Variants in TFEB observed in about 807,000 individuals in gnomAD.
TFEB encodes T-cell transcription factor EB.
Under a neutral mutation model 48.0 loss-of-function variants are expected in TFEB, and 12 were observed. That is an observed-to-expected ratio of 0.25 (90% CI 0.16 to 0.40). TFEB has a LOEUF of 0.40. Ranked by LOEUF, TFEB falls within the 10% of genes least tolerant of loss-of-function variation. The pLI is 1.00. For synonymous variants in TFEB, 244 were observed against 261.4 expected, an observed-to-expected ratio of 0.93 and a Z score of 0.64; for missense variants, 509 against 640.3, an observed-to-expected ratio of 0.79 and a Z score of 2.21.
At chr6:41,700,297 TCTACTA>T (rs1769834697) in intron 1 of TFEB, among the ~76,000 whole-genome samples, 1 of 151,980 alleles carries the variant, frequency 6.6e-6, no homozygotes, top group Admixed American at 6.6e-5. Context: ...AAACCCCGTC[TCTACTA>T]AAAATACAAA....
chr6:41,732,801 C>G (rs1003251103), intron 1 of TFEB: 2 of 985,822 alleles, frequency 2.0e-6, no homozygotes, highest in Admixed American at 1.2e-4. Flanking sequence ...GCTCTGGGAA[C>G]CCTGAACTCC....
At chr6:41,687,724 G>C (rs112260788) in intron 6 of TFEB, 29 bp downstream of exon 6, 22 of 1,613,848 alleles carry the variant, frequency 1.4e-5, no homozygotes, top group Non-Finnish European at 1.9e-5. Flanking sequence ...GGAAGAGGGA[G>C]GCAGGGAGAG....
chr6:41,714,128 T>C (rs1770610198), intron 1 of TFEB, among the ~76,000 whole-genome samples: 1 of 119,462 alleles, frequency 8.4e-6, no homozygotes, highest in Admixed American at 8.1e-5. Context: ...TGTGTGTGCG[T>C]GTGCATGTGT....
At chr6:41,690,109 T>C (rs1415506976) in intron 3 of TFEB, among the ~76,000 whole-genome samples, 1 of 151,878 alleles carries the variant, frequency 6.6e-6, no homozygotes, top group East Asian at 1.9e-4. Flanking sequence ...TGTTTCTCCC[T>C]AGCAGAGCTT....
rs534221103 is a variant in TFEB, at chr6:41,686,299, A to G, written c.804-62T>C. The G allele has an allele frequency of 3.0e-5, 48 of 1,597,276 alleles. No homozygotes were observed. In the East Asian group the frequency reaches 1.0e-3, roughly 34 times the overall value. ...TCAGAAGAGTGGCCAAATCCTTGCT[A>G]CTGCTCTGGTTGCAGAGCTTATGTG... On this transcript the variant is annotated intron_variant, in intron 7 of 8. Transcript: ENST00000373033.
At position 41,729,202 on chromosome 6, in the gene TFEB, C is replaced by G. The variant is rs1581938977; in HGVS notation, c.-23+6148G>C. Among the ~76,000 whole-genome samples, 3 of 152,092 alleles carry G rather than the reference C, an allele frequency of 2.0e-5. No individual in the cohort carries two copies. In the East Asian group the frequency reaches 5.8e-4, roughly 29 times the overall value. Reference sequence around the variant, plus strand: ...CAGTTTCCACAAACAACTCCACACCCCTGCCCCCAGGGGCCAGCCCCCAGG... The same window carrying G: ...CAGTTTCCACAAACAACTCCACACCGCTGCCCCCAGGGGCCAGCCCCCAGG... On this transcript the variant is annotated intron_variant, in intron 1 of 8. Coordinates refer to ENST00000373033, the MANE Select transcript of TFEB (RefSeq NM_001271944.2).
chr6:41,718,703 C>T (rs1388668282), intron 1 of TFEB, among the ~76,000 whole-genome samples: 1 of 149,434 alleles, frequency 6.7e-6, no homozygotes, highest in African/African-American at 2.5e-5. Context: ...GACTTACAGT[C>T]TCCTGTGCCT....
rs1259004309 is a variant in TFEB, at chr6:41,699,290, C to T, written c.-22-8055G>A. On this transcript the variant is annotated intron_variant, in intron 1 of 8. Transcript: ENST00000373033. ...TTCTGGTCACTGTTCAGTGTTGCTC[C>T]GTCCAGGCCCACTGGGGGCATCCCT... Among the ~76,000 whole-genome samples, 3 of 152,216 alleles carry T rather than the reference C, an allele frequency of 2.0e-5. No individual in the cohort carries two copies. The East Asian group carries it at 5.8e-4, about 29-fold the overall frequency.
At chr6:41,705,303 G>A (rs1221119570) in intron 1 of TFEB, among the ~76,000 whole-genome samples, 2 of 152,158 alleles carry the variant, frequency 1.3e-5, no homozygotes, top group South Asian at 2.1e-4. Context: ...TGAACAATGA[G>A]AAACCTACGT....
At chr6:41,733,403 C>G (rs1771531723) in intron 1 of TFEB, 1 of 167,146 alleles carries the variant, frequency 6.0e-6, no homozygotes, top group Non-Finnish European at 1.2e-5. Context: ...ATACCTGGGT[C>G]CCCATTTGGC....
chr6:41,688,922 A>C (rs1006293451), intron 4 of TFEB, among the ~76,000 whole-genome samples: 9 of 152,200 alleles, frequency 5.9e-5, no homozygotes, highest in African/African-American at 2.2e-4. Flanking sequence ...CAAAGGCAGG[A>C]GTAAGTAGCT....
chr6:41,705,227 G>T (rs565076497), intron 1 of TFEB, among the ~76,000 whole-genome samples: 1 of 152,226 alleles, frequency 6.6e-6, no homozygotes, highest in South Asian at 2.1e-4. Context: ...AGCAGGTCTA[G>T]GAGCCCACTC....
chr6:41,687,883 G>C (rs781593328), intron 5 of TFEB, 25 bp downstream of exon 5: 1 of 1,610,832 alleles, frequency 6.2e-7, no homozygotes, highest in Non-Finnish European at 8.5e-7. Flanking sequence ...GTATTCAAAG[G>C]CACAGGGGTA....
chr6:41,721,786 G>A (rs1434026593), intron 1 of TFEB, among the ~76,000 whole-genome samples: 6 of 152,178 alleles, frequency 3.9e-5, no homozygotes, highest in African/African-American at 9.7e-5. Flanking sequence ...GAGGCCTGAG[G>A]CCAAACAGTA....
intron 1 of TFEB, among the ~76,000 whole-genome samples, chr6:41,732,053 A>G (rs2127279237): frequency 6.6e-6 from 1 of 152,196 alleles, no homozygotes; most frequent in Middle Eastern, 3.4e-3. Flanking sequence ...TTTTTCATAC[A>G]AATTCTTTTT....
chr6:41,722,606 C>A (rs550363179), intron 1 of TFEB, among the ~76,000 whole-genome samples: 1 of 152,362 alleles, frequency 6.6e-6, no homozygotes, highest in East Asian at 1.9e-4. Context: ...GGAATGATAG[C>A]AGCATCCCCC....
At position 41,686,125 on chromosome 6, in the gene TFEB, C is replaced by T; in HGVS notation, c.916G>A (p.Glu306Lys). The T allele has an allele frequency of 1.9e-6, 3 of 1,614,248 alleles. No individual in the cohort carries two copies. Among genetic ancestry groups the T allele is most frequent in the Non-Finnish European group, 2.5e-6 (3 of 1,180,050 alleles). ...RELENHSRRL[E>K]MTNKQLWLRI... ...AGCCAGAGCTGCTTGTTGGTCATCT[C>T]CAGGCGGCGAGAGTGGTTCTCCAGC... Residue 306 changes from glutamate (E) to lysine (K), a missense_variant, in exon 8 of 9, where the codon GAG (glutamate) becomes AAG (lysine). By Grantham distance (56) the Glu-to-Lys change is moderately conservative. Around this residue, in one of 4 missense-constraint regions of TFEB, gnomAD observed 62 missense variants for 90.2 expected, o/e 0.69. Transcript: ENST00000373033.
intron 1 of TFEB, among the ~76,000 whole-genome samples, chr6:41,729,880 C>T (rs986613383): frequency 2.7e-4 from 41 of 152,240 alleles, no homozygotes; most frequent in Non-Finnish European, 7.3e-5. Flanking sequence ...GGACGGCTCT[C>T]ACCTGGGTAG....
chr6:41,684,566 G>T lies in TFEB; in HGVS notation c.*33C>A, dbSNP rs375242945. ...CCCTGGCCCTCCCAGCCCCCAGGCC[G>T]GCCCCTGTTCCCTGGCACAGGGGCA... On this transcript the variant is annotated 3_prime_UTR_variant, in exon 9 of 9. Transcript: ENST00000373033. The T allele has an allele frequency of 1.9e-5, 28 of 1,506,958 alleles. No individual in the cohort carries two copies. In the African/African-American group the frequency reaches 3.2e-4, roughly 17 times the overall value. The allele number at this position is 1,506,958 out of a possible 1,614,324, so 93.3% of individuals were successfully genotyped here. A position where few individuals can be genotyped will look rare whatever the true frequency, so the allele number is the denominator to read the frequency against.
Sources: allele counts gnomAD v4.1 joint callset (sites outside exome capture counted in the v4.1 genomes callset), GRCh38; gene constraint gnomAD v4.1.1; regional missense constraint gnomAD v4.1.1; transcripts MANE v1.5; gene names NCBI Gene and HGNC (gene_info 2026-07-23, HGNC 2026-07-21).